Variants in ANXA2 observed in about 807,000 individuals in gnomAD.
The protein encoded by ANXA2 is annexin II.
In ANXA2, 28 loss-of-function variants were observed where a neutral mutation model predicts 47.3. That is an observed-to-expected ratio of 0.59 (90% CI 0.44 to 0.81). The LOEUF (loss-of-function observed/expected upper bound fraction) is 0.81. Ranked by LOEUF, ANXA2 falls within the 40% of genes least tolerant of loss-of-function variation. ANXA2 has a pLI of 0.00. For synonymous variants in ANXA2, 172 were observed against 155.5 expected (o/e 1.11, Z -0.79); for missense variants, 384 against 414.3 (o/e 0.93, Z 0.64).
Position 60,349,027 on chromosome 15 carries a change from G to T in ANXA2, c.960+48C>A, listed in dbSNP as rs759800488. 5.0e-6 allele frequency: 8 copies of T among 1,609,272 alleles called. No individual in the cohort carries two copies. The African/African-American group carries it at 9.4e-5, about 19-fold the overall frequency. ...TCTGCCAGGCCACCTGCCAGGGCCCGGGGTGCTCTGGACGGCAGGGCAGGC... is the reference window on the plus strand; with the variant it reads ...TCTGCCAGGCCACCTGCCAGGGCCCTGGGTGCTCTGGACGGCAGGGCAGGC... On this transcript the variant is annotated intron_variant, in intron 12 of 12. Coordinates refer to ENST00000451270, the MANE Select transcript of ANXA2 (RefSeq NM_004039.3).
chr15:60,367,255 C>T (rs1426347672), intron 3 of ANXA2, among the ~76,000 whole-genome samples: 1 of 121,980 alleles, frequency 8.2e-6, no homozygotes, highest in East Asian at 2.7e-4. Context: ...CCGCCCCGTC[C>T]GGGAGGGAGG....
intron 5 of ANXA2, among the ~76,000 whole-genome samples, chr15:60,358,017 G>A (rs1164344023): frequency 1.3e-5 from 2 of 152,176 alleles, no homozygotes; most frequent in African/African-American, 4.8e-5. Context: ...GTCACTTGCA[G>A]CCAGCATTGT....
At chr15:60,350,374 G>A (rs1230207425) in intron 11 of ANXA2, among the ~76,000 whole-genome samples, 1 of 152,102 alleles carries the variant, frequency 6.6e-6, no homozygotes, top group Non-Finnish European at 1.5e-5. Flanking sequence ...AGAGGTTCCT[G>A]ACTCTTGCAG....
At chr15:60,374,352 G>A in intron 3 of ANXA2, 4 of 414,848 alleles carry the variant, frequency 9.6e-6, no homozygotes, top group Middle Eastern at 3.8e-4. Flanking sequence ...TAAAATGCAA[G>A]CCCTGTATTG....
chr15:60,371,839 T>C (rs545715787), intron 3 of ANXA2, among the ~76,000 whole-genome samples: 2 of 152,140 alleles, frequency 1.3e-5, no homozygotes, highest in African/African-American at 2.4e-5. Context: ...CACGTGGACG[T>C]AGTTCATTTA....
intron 3 of ANXA2, among the ~76,000 whole-genome samples, chr15:60,378,167 G>C (rs1461134409): frequency 6.6e-6 from 1 of 152,154 alleles, no homozygotes; most frequent in Non-Finnish European, 1.5e-5. Context: ...TCTATTTCTT[G>C]ATGCAACTGA....
At position 60,373,220 on chromosome 15, in the gene ANXA2, AC is replaced by A. The variant is rs1340794529; in HGVS notation, c.149-8698del. ...GAAATTTTTACATACAAATGCACTT[AC>A]ATTTGGTAATCTGTAGATAATGATT... On this transcript the variant is annotated intron_variant, in intron 3 of 12. Transcript: ENST00000451270. 2.0e-5 allele frequency among the ~76,000 whole-genome samples: 3 copies of A among 152,232 alleles called. No individual in the cohort carries two copies. In the East Asian group the frequency reaches 5.8e-4, roughly 29 times the overall value.
At chr15:60,372,692 CTTTTTTTTTTT>C (rs574095449) in intron 3 of ANXA2, among the ~76,000 whole-genome samples, 1 of 132,738 alleles carries the variant, frequency 7.5e-6, no homozygotes, top group Admixed American at 7.7e-5. Context: ...ACAATCTTTC[CTTTTTTTTTTT>C]TTTTTTTTTA....
At chr15:60,353,895 T>C (rs1250611361) in intron 8 of ANXA2, among the ~76,000 whole-genome samples, 2 of 152,178 alleles carry the variant, frequency 1.3e-5, no homozygotes, top group African/African-American at 4.8e-5. Flanking sequence ...GGAAGCAGAT[T>C]CCCTTGACCC....
chr15:60,352,248 A>G lies in ANXA2; in HGVS notation c.682+135T>C. ...CCAGAATGGGAGAGAAAGGTGAGGG[A>G]AAATGGGTGAGCCTATGAGAGTGCC... On this transcript the variant is annotated intron_variant, in intron 9 of 12. Coordinates refer to ENST00000451270, the MANE Select transcript of ANXA2 (RefSeq NM_004039.3). The surrounding 1 kb of genome is among the most constrained non-coding windows in gnomAD (Gnocchi z 4.2). 1.7e-6 allele frequency: 1 copy of G among 585,586 alleles called. No homozygotes were observed. The highest frequency in any genetic ancestry group is 2.5e-5 in the South Asian group (1 of 40,274). The allele number at this position is 585,586 out of a possible 1,614,324, so 36.3% of individuals were successfully genotyped here. A position where few individuals can be genotyped will look rare whatever the true frequency, so the allele number is the denominator to read the frequency against.
intron 1 of ANXA2, among the ~76,000 whole-genome samples, chr15:60,392,252 T>C (rs1295611593): frequency 6.6e-6 from 1 of 152,202 alleles, no homozygotes; most frequent in African/African-American, 2.4e-5. Flanking sequence ...TGATCATTAA[T>C]GAAATCAGTG....
At chr15:60,393,103 C>G (rs1398324736) in intron 1 of ANXA2, 1 of 1,286,818 alleles carries the variant, frequency 7.8e-7, no homozygotes. Context: ...GTCACAGGGC[C>G]AACTCATTCC....
rs75024415 is a variant in ANXA2, at chr15:60,350,637, C to T, written c.837+556G>A. On this transcript the variant is annotated intron_variant, in intron 11 of 12. Coordinates refer to ENST00000451270, the MANE Select transcript of ANXA2 (RefSeq NM_004039.3). ...AGGTGTAGAAAATGGGATGGGTCTA[C>T]GGGAAGAGGTGGTTCGTTTAGGGAA... Among the ~76,000 whole-genome samples, 1,338 of 152,046 alleles carry T rather than the reference C, an allele frequency of 8.8e-3. 21 individuals are homozygous for T. The highest frequency in any genetic ancestry group is 0.031 in the African/African-American group (1,276 of 41,470).
Position 60,364,516 on chromosome 15 carries a change from A to C in ANXA2, c.156T>G (p.Asp52Glu). ...IETAIKTKGV[D>E]EVTIVNILTN... ...TCAAAATGTTGACAATGGTGACCTC[A>C]TCCACACCTATGGAAATACAAGTTG... Residue 52 changes from aspartate (D) to glutamate (E), a missense_variant, in exon 4 of 13, where the codon GAT (aspartate) becomes GAG (glutamate). Asp to Glu is a conservative substitution (Grantham distance 45). Transcript: ENST00000451270. The C allele has an allele frequency of 1.2e-6, 2 of 1,611,434 alleles. No individual in the cohort carries two copies. The highest frequency in any genetic ancestry group is 1.7e-6 in the Non-Finnish European group (2 of 1,179,080).
chr15:60,355,749 T>G (rs1375162262), intron 7 of ANXA2, 170 bp downstream of exon 7: 8 of 699,106 alleles, frequency 1.1e-5, no homozygotes, highest in Non-Finnish European at 2.1e-5. Flanking sequence ...AGAAATCCTA[T>G]TATACAAAAT....
At chr15:60,348,412 C>T (rs1183493959) in intron 12 of ANXA2, among the ~76,000 whole-genome samples, 2 of 152,146 alleles carry the variant, frequency 1.3e-5, no homozygotes, top group African/African-American at 4.8e-5. Flanking sequence ...AGTTGTTAGG[C>T]CTATCCCAGA....
intron 1 of ANXA2, 47 bp from the exon 2 acceptor site, chr15:60,386,133 T>A: frequency 4.6e-6 from 6 of 1,300,124 alleles, no homozygotes; most frequent in South Asian, 3.7e-5. Flanking sequence ...GGCTCTCCTT[T>A]ACTCTGAAGC....
At chr15:60,384,223 A>C (rs1470853561) in intron 2 of ANXA2, 5 of 152,242 alleles carry the variant, frequency 3.3e-5, no homozygotes, top group Admixed American at 6.5e-5. Flanking sequence ...CCATTTATTA[A>C]GAGTGCCATC....
intron 5 of ANXA2, among the ~76,000 whole-genome samples, chr15:60,359,909 A>C (rs2062487689): frequency 6.6e-6 from 1 of 152,220 alleles, no homozygotes; most frequent in African/African-American, 2.4e-5. Flanking sequence ...AAAGGGTCCA[A>C]ATGTGTTGCA....
Sources: gnomAD v4.1 joint callset for allele counts (sites outside exome capture counted in the v4.1 genomes callset) on GRCh38, gnomAD v4.1.1 for gene constraint, Gnocchi (gnomAD v3.1) non-coding constraint, MANE v1.5 for transcripts, NCBI Gene and HGNC (gene_info 2026-07-23, HGNC 2026-07-21) for gene names.